CSMD3: variants seen among roughly 807,000 people sequenced by gnomAD.
CSMD3 encodes CUB and sushi domain-containing protein 3.
CSMD3 carries 177 observed loss-of-function variants against 435.2 expected under a neutral mutation model. The observed-to-expected ratio is 0.41, with a 90% CI of 0.36 to 0.46. CSMD3 has a LOEUF of 0.46. Among genes scored for constraint, CSMD3 ranks in the 20% least tolerant of loss-of-function variants. CSMD3 has a pLI of 0.34. For synonymous variants in CSMD3, 1,656 were observed against 1,520.5 expected (o/e 1.09, Z -2.07); for missense variants, 4,265 against 4,504.6 (o/e 0.95, Z 1.52).
intron 39 of CSMD3, among the ~76,000 whole-genome samples, chr8:112,351,824 TTAAC>T (rs1410172480): frequency 6.6e-6 from 1 of 152,018 alleles, no homozygotes. Context: ...AGTATTTTCC[TTAAC>T]TTTTTATCTT....
rs1043775285 is a variant in CSMD3, at chr8:112,468,227, CTAAAG to C, written c.5395+4359_5395+4363del. Among the ~76,000 whole-genome samples, 16 of 143,862 alleles carry C rather than the reference CTAAAG, an allele frequency of 1.1e-4. No homozygotes were observed. The East Asian group carries it at 2.6e-3, about 24-fold the overall frequency. 94.4% of individuals were successfully genotyped at this position (143,862 alleles called of 152,430 possible). On this transcript the variant is annotated intron_variant, in intron 32 of 70. Transcript: ENST00000297405. ...TTAAAATTTCATCTCCTCCAATTGC[CTAAAG>C]TATTTTTTTTTTTTTTTTTTTTTTA...
chr8:112,238,775 A>C (rs1240036467), intron 66 of CSMD3, among the ~76,000 whole-genome samples: 1 of 150,782 alleles, frequency 6.6e-6, no homozygotes, highest in Non-Finnish European at 1.5e-5. Flanking sequence ...CAAATATTGC[A>C]ATTATCATAA....
intron 32 of CSMD3, among the ~76,000 whole-genome samples, chr8:112,445,429 C>T (rs1208033439): frequency 1.3e-5 from 2 of 152,084 alleles, no homozygotes; most frequent in Non-Finnish European, 2.9e-5. Context: ...GTGACTGCCT[C>T]TGGAAGCTTC....
At chr8:113,435,858 T>A (rs1010167357) in intron 1 of CSMD3, among the ~76,000 whole-genome samples, 1 of 152,040 alleles carries the variant, frequency 6.6e-6, no homozygotes, top group Admixed American at 6.6e-5. Context: ...TTTCCCATGA[T>A]CCTGACTGTC....
At chr8:113,269,660 T>C (rs2093503202) in intron 3 of CSMD3, among the ~76,000 whole-genome samples, 1 of 151,166 alleles carries the variant, frequency 6.6e-6, no homozygotes, top group South Asian at 2.1e-4. Flanking sequence ...ATACCACACA[T>C]CTACAACCAT....
intron 21 of CSMD3, among the ~76,000 whole-genome samples, chr8:112,638,309 G>T (rs1322901925): frequency 2.0e-5 from 3 of 150,380 alleles, no homozygotes; most frequent in Non-Finnish European, 4.4e-5. Flanking sequence ...GAAATCACTG[G>T]ATTAATTCTC....
chr8:112,516,609 A>G (rs1377369), intron 28 of CSMD3, among the ~76,000 whole-genome samples: 151,606 of 152,220 alleles, frequency 1, 75,497 homozygotes, highest in Middle Eastern at 1. Context: ...TGAATTAAAT[A>G]GAAAGACAAA....
At chr8:112,377,844 A>G (rs1470884080) in intron 38 of CSMD3, among the ~76,000 whole-genome samples, 1 of 152,140 alleles carries the variant, frequency 6.6e-6, no homozygotes, top group African/African-American at 2.4e-5. Context: ...TAAGAAATTT[A>G]CCTCAACATA....
intron 6 of CSMD3, among the ~76,000 whole-genome samples, chr8:112,996,886 A>C (rs2085672971): frequency 6.6e-6 from 1 of 151,652 alleles, no homozygotes; most frequent in African/African-American, 2.4e-5. Context: ...TAATAGTGTT[A>C]GTTTCTTATG....
At chr8:112,799,253 C>T (rs2078904003) in intron 13 of CSMD3, among the ~76,000 whole-genome samples, 1 of 151,754 alleles carries the variant, frequency 6.6e-6, no homozygotes. Flanking sequence ...TCTCTGACAA[C>T]ATCATGCATT....
chr8:112,313,163 T>C lies in CSMD3; in HGVS notation c.7696+743A>G, dbSNP rs144660750. Among the ~76,000 whole-genome samples the C allele has an allele frequency of 2.4e-3, 368 of 152,286 alleles. 1 individual carries two copies. The highest frequency in any genetic ancestry group is 7.6e-3 in the Admixed American group (116 of 15,294). On this transcript the variant is annotated intron_variant, in intron 49 of 70. Coordinates refer to ENST00000297405, the MANE Select transcript of CSMD3 (RefSeq NM_198123.2). The stretch of plus-strand genomic sequence containing the variant: ...GTACATTTACTCAACAAGAAAATTA[T>C]TGGTTCAGTATCAGTAGACCCTATA...
chr8:112,665,870 A>G (rs1439757145), intron 17 of CSMD3, among the ~76,000 whole-genome samples: 3 of 152,170 alleles, frequency 2.0e-5, no homozygotes, highest in Admixed American at 6.6e-5. Flanking sequence ...AGGTGAAAGC[A>G]TATGGATAGT....
Position 112,752,900 on chromosome 8 carries a change from C to CGTGTGT in CSMD3, c.1972+47256_1972+47261dup, listed in dbSNP as rs10617885. On this transcript the variant is annotated intron_variant, in intron 13 of 70. Transcript: ENST00000297405. The stretch of plus-strand genomic sequence containing the variant: ...CTAAGCCCTTCAGTATTTGTTACCG[C>CGTGTGT]GTGTGTGTGTGTGTGTGTGTGTGTG... Among the ~76,000 whole-genome samples the CGTGTGT allele has an allele frequency of 2.1e-3, 314 of 146,586 alleles. 4 individuals are homozygous for CGTGTGT. Among genetic ancestry groups the CGTGTGT allele is most frequent in the African/African-American group, 7.1e-3 (284 of 39,866 alleles).
intron 13 of CSMD3, among the ~76,000 whole-genome samples, chr8:112,749,596 T>A (rs769848710): frequency 6.6e-6 from 1 of 152,066 alleles, no homozygotes; most frequent in East Asian, 1.9e-4. Context: ...TAGAATTAGC[T>A]CTTCAGACAT....
At chr8:113,021,798 T>C (rs1220615080) in intron 5 of CSMD3, among the ~76,000 whole-genome samples, 1 of 152,162 alleles carries the variant, frequency 6.6e-6, no homozygotes, top group Non-Finnish European at 1.5e-5. Flanking sequence ...AAAGTAGAGC[T>C]GCAGTAGGGA....
At chr8:113,428,882 A>G (rs1286028237) in intron 1 of CSMD3, among the ~76,000 whole-genome samples, 2 of 151,876 alleles carry the variant, frequency 1.3e-5, no homozygotes, top group Non-Finnish European at 3.0e-5. Flanking sequence ...GTGGTATTTA[A>G]TCATATTTTT....
At chr8:113,156,757 T>TAATTAAATAAAC (rs2091939407) in intron 4 of CSMD3, among the ~76,000 whole-genome samples, 1 of 149,420 alleles carries the variant, frequency 6.7e-6, no homozygotes, top group African/African-American at 2.5e-5. Flanking sequence ...AATAAATAAA[T>TAATTAAATAAAC]AAATAAATAA....
chr8:112,525,826 A>T lies in CSMD3; in HGVS notation c.4565-8601T>A, dbSNP rs1301343041. Among the ~76,000 whole-genome samples the T allele has an allele frequency of 3.2e-3, 439 of 135,322 alleles. 1 individual carries two copies. Among genetic ancestry groups the T allele is most frequent in the African/African-American group, 0.011 (410 of 36,286 alleles). 88.8% of individuals were successfully genotyped at this position (135,322 alleles called of 152,430 possible). A position where few individuals can be genotyped will look rare whatever the true frequency, so the allele number is the denominator to read the frequency against. ...TATATATATACACACACATATAAAA[A>T]ATATATATATATATATACAGGGTCT... On this transcript the variant is annotated intron_variant, in intron 27 of 70. Coordinates refer to ENST00000297405, the MANE Select transcript of CSMD3 (RefSeq NM_198123.2).
chr8:112,596,106 G>C (rs1406543595), intron 22 of CSMD3, among the ~76,000 whole-genome samples: 1 of 151,546 alleles, frequency 6.6e-6, no homozygotes, highest in Non-Finnish European at 1.5e-5. Flanking sequence ...TCAATGTGCT[G>C]TATTCAGGAA....
Sources: gnomAD v4.1 joint callset for allele counts (sites outside exome capture counted in the v4.1 genomes callset) on GRCh38, gnomAD v4.1.1 for gene constraint, MANE v1.5 for transcripts, NCBI Gene and HGNC (gene_info 2026-07-23, HGNC 2026-07-21) for gene names.